The following MYO3A variants were observed in gnomAD, a reference collection of about 807,000 sequenced individuals.
The protein encoded by MYO3A is myosin IIIA, also known as myosin-IIIa.
Under a neutral mutation model 192.7 loss-of-function variants are expected in MYO3A, and 180 were observed. That is an observed-to-expected ratio of 0.93 (90% confidence interval 0.83 to 1.06). The LOEUF is 1.06. Ranked by LOEUF, MYO3A falls within the 50% of genes least tolerant of loss-of-function variation. MYO3A has a pLI of 0.00. For synonymous variants in MYO3A, 628 were observed against 645.3 expected (o/e 0.97, Z 0.41); for missense variants, 1,896 against 1,905.0 (o/e 1.00, Z 0.09).
At chr10:25,967,665 C>G (rs1023023290) in intron 4 of MYO3A, among the ~76,000 whole-genome samples, 1 of 152,164 alleles carries the variant, frequency 6.6e-6, no homozygotes, top group Non-Finnish European at 1.5e-5. Context: ...TTGAAATTAG[C>G]TGGTTCGTAC....
At chr10:26,118,133 A>G (rs908491955) in intron 17 of MYO3A, among the ~76,000 whole-genome samples, 42 of 151,528 alleles carry the variant, frequency 2.8e-4, no homozygotes, top group African/African-American at 9.2e-4. Flanking sequence ...GGCTGTATGT[A>G]TGTCTTCTTT....
At chr10:26,103,083 C>CT (rs1216772646) in intron 17 of MYO3A, among the ~76,000 whole-genome samples, 4 of 152,230 alleles carry the variant, frequency 2.6e-5, no homozygotes, top group African/African-American at 9.6e-5. Flanking sequence ...TGTTTACCTA[C>CT]TCAAGCCTCA....
intron 6 of MYO3A, among the ~76,000 whole-genome samples, chr10:26,009,464 A>G (rs1841476669): frequency 6.6e-6 from 1 of 152,226 alleles, no homozygotes; most frequent in African/African-American, 2.4e-5. Context: ...AGGGGACTGG[A>G]ACTGGGACAG....
At position 26,108,167 on chromosome 10, in the gene MYO3A, T is replaced by C; in HGVS notation, c.1776+11485T>C. Among the ~76,000 whole-genome samples, 2 of 152,228 alleles carry C rather than the reference T, an allele frequency of 1.3e-5. 1 individual carries two copies. The highest frequency in any genetic ancestry group is 3.8e-4 in the East Asian group (2 of 5,198). On this transcript the variant is annotated intron_variant, in intron 17 of 34. Transcript: ENST00000642920. Reference sequence around the variant, plus strand: ...CGTAACAGTTTATTGTTTGCTACATTGATTCAGAGTGTGTGATAAAAGAAG... The same window carrying C: ...CGTAACAGTTTATTGTTTGCTACATCGATTCAGAGTGTGTGATAAAAGAAG...
intron 4 of MYO3A, among the ~76,000 whole-genome samples, chr10:25,990,285 A>G (rs1437295241): frequency 6.6e-6 from 1 of 152,072 alleles, no homozygotes; most frequent in Non-Finnish European, 1.5e-5. Flanking sequence ...ATTATTTGTA[A>G]TACTTACTGT....
intron 31 of MYO3A, among the ~76,000 whole-genome samples, chr10:26,178,871 GACTC>G (rs1307589736): frequency 6.7e-6 from 1 of 149,786 alleles, no homozygotes; most frequent in East Asian, 2.0e-4. Flanking sequence ...GCGCGATCTC[GACTC>G]ACTGCAAGCT....
At chr10:26,157,225 T>G (rs1360734905) in intron 25 of MYO3A, 85 bp from the exon 26 acceptor site, 2 of 1,218,612 alleles carry the variant, frequency 1.6e-6, no homozygotes, top group East Asian at 4.8e-5. Context: ...TTTTGAATGT[T>G]ATTCTTGTAG....
chr10:26,126,078 G>A (rs529863166), intron 19 of MYO3A, among the ~76,000 whole-genome samples: 1 of 152,244 alleles, frequency 6.6e-6, no homozygotes, highest in Non-Finnish European at 1.5e-5. Flanking sequence ...TAACTCCAAT[G>A]AAATTTGGTT....
At chr10:26,139,001 A>C (rs913503652) in intron 20 of MYO3A, among the ~76,000 whole-genome samples, 1 of 152,234 alleles carries the variant, frequency 6.6e-6, no homozygotes, top group Non-Finnish European at 1.5e-5. Context: ...ATCGTCAGCA[A>C]CATCACAACA....
intron 14 of MYO3A, among the ~76,000 whole-genome samples, chr10:26,079,302 TATA>T (rs1203648210): frequency 6.6e-6 from 1 of 152,104 alleles, no homozygotes; most frequent in African/African-American, 2.4e-5. Context: ...TTTTGTCTGA[TATA>T]ATAATAGCTA....
intron 15 of MYO3A, among the ~76,000 whole-genome samples, chr10:26,095,731 G>C (rs1044697496): frequency 7.9e-5 from 12 of 152,190 alleles, no homozygotes; most frequent in Admixed American, 6.5e-4. Flanking sequence ...GAAAATGCTA[G>C]TTATGCTACT....
At chr10:26,092,043 C>A (rs555240527) in intron 15 of MYO3A, among the ~76,000 whole-genome samples, 99 of 152,258 alleles carry the variant, frequency 6.5e-4, no homozygotes, top group Non-Finnish European at 1.2e-3. Context: ...TAAGATTGAG[C>A]AGGTAGGTGG....
chr10:25,968,973 C>T (rs946573374), intron 4 of MYO3A, among the ~76,000 whole-genome samples: 1 of 152,228 alleles, frequency 6.6e-6, no homozygotes, highest in African/African-American at 2.4e-5. Context: ...GGCATGGTGG[C>T]TCACGCCTGT....
chr10:25,968,563 A>G (rs2130711121), intron 4 of MYO3A, among the ~76,000 whole-genome samples: 1 of 152,318 alleles, frequency 6.6e-6, no homozygotes, highest in South Asian at 2.1e-4. Context: ...TTAGAACTAC[A>G]ATTATAACTC....
chr10:26,197,136 T>C (rs974198665), intron 32 of MYO3A, among the ~76,000 whole-genome samples: 1 of 152,218 alleles, frequency 6.6e-6, no homozygotes, highest in Admixed American at 6.5e-5. Context: ...CTTAATCAGG[T>C]GCCGTAGCCC....
chr10:26,038,974 A>G (rs761497903), intron 10 of MYO3A, among the ~76,000 whole-genome samples: 1 of 152,182 alleles, frequency 6.6e-6, no homozygotes, highest in Non-Finnish European at 1.5e-5. Context: ...ATGTTGAACC[A>G]TCTTTACATC....
chr10:26,157,916 C>T (rs899845269), intron 26 of MYO3A, among the ~76,000 whole-genome samples: 3 of 151,996 alleles, frequency 2.0e-5, no homozygotes, highest in Non-Finnish European at 4.4e-5. Context: ...GGTGTAGGGG[C>T]GTGGGGGGAT....
chr10:26,175,271 G>C (rs945486599), intron 30 of MYO3A, among the ~76,000 whole-genome samples: 2 of 152,178 alleles, frequency 1.3e-5, no homozygotes, highest in Admixed American at 6.5e-5. Flanking sequence ...GCTATGGAAA[G>C]ATCGCAAGAA....
At chr10:26,163,406 G>A (rs1841576788) in intron 26 of MYO3A, among the ~76,000 whole-genome samples, 1 of 152,198 alleles carries the variant, frequency 6.6e-6, no homozygotes, top group Admixed American at 6.5e-5. Flanking sequence ...GGTGGCTGGG[G>A]CAGGGCAGGG....
Sources: allele counts gnomAD v4.1 joint callset (sites outside exome capture counted in the v4.1 genomes callset), GRCh38; gene constraint gnomAD v4.1.1; transcripts MANE v1.5; gene names NCBI Gene and HGNC (gene_info 2026-07-23, HGNC 2026-07-21).